Variants in CNTN5 observed in about 807,000 individuals in gnomAD.
CNTN5 encodes contactin 5.
A neutral mutation model predicts 129.1 loss-of-function variants in CNTN5; 77 were observed. The observed-to-expected ratio is 0.60, with a 90% CI of 0.50 to 0.72. The LOEUF is 0.72. CNTN5 is among the 30% of genes least tolerant of loss of function. CNTN5 has a pLI of 0.00. For missense variants in CNTN5, 1,478 were observed against 1,328.8 expected (o/e 1.11, Z -1.75); for synonymous variants, 509 against 465.6 (o/e 1.09, Z -1.20).
intron 2 of CNTN5, among the ~76,000 whole-genome samples, chr11:99,464,496 T>A (rs889694190): frequency 6.6e-6 from 1 of 152,136 alleles, no homozygotes; most frequent in Admixed American, 6.5e-5. Flanking sequence ...GTGATGAGTA[T>A]AAAAAAAGAA....
At chr11:99,148,062 G>A (rs550290931) in intron 1 of CNTN5, among the ~76,000 whole-genome samples, 3 of 151,942 alleles carry the variant, frequency 2.0e-5, no homozygotes, top group African/African-American at 7.2e-5. Flanking sequence ...ATTTTTGATT[G>A]GGTAATATAA....
chr11:99,823,512 TG>T (rs1245043889), intron 4 of CNTN5, among the ~76,000 whole-genome samples: 3 of 151,802 alleles, frequency 2.0e-5, no homozygotes, highest in Non-Finnish European at 4.4e-5. Flanking sequence ...AGAGAAAATC[TG>T]AAAAAAAAAG....
intron 13 of CNTN5, among the ~76,000 whole-genome samples, chr11:100,171,747 TC>T (rs1379019370): frequency 2.0e-5 from 3 of 151,978 alleles, no homozygotes; most frequent in African/African-American, 7.2e-5. Flanking sequence ...CTTTGTGAGA[TC>T]AATTTCTCAT....
intron 9 of CNTN5, among the ~76,000 whole-genome samples, chr11:100,037,121 T>G (rs1942062351): frequency 1.3e-5 from 2 of 151,606 alleles, no homozygotes; most frequent in South Asian, 4.2e-4. Context: ...TGGATAGCTT[T>G]TATTATTTTG....
chr11:100,104,859 A>T (rs894040005), intron 13 of CNTN5, among the ~76,000 whole-genome samples: 4 of 152,122 alleles, frequency 2.6e-5, no homozygotes, highest in Non-Finnish European at 5.9e-5. Flanking sequence ...CAGGCATATC[A>T]TATGTTCCTC....
At chr11:99,254,891 C>T (rs1413218536) in intron 1 of CNTN5, among the ~76,000 whole-genome samples, 2 of 151,768 alleles carry the variant, frequency 1.3e-5, no homozygotes, top group African/African-American at 2.4e-5. Context: ...GGTTGAGTTC[C>T]AATATTTCTG....
At chr11:99,802,645 G>T (rs2135485611) in intron 3 of CNTN5, among the ~76,000 whole-genome samples, 1 of 152,244 alleles carries the variant, frequency 6.6e-6, no homozygotes, top group South Asian at 2.1e-4. Context: ...GACTGTAGAG[G>T]CCTTGCTGTG....
At chr11:100,015,405 T>C (rs1319912472) in intron 9 of CNTN5, among the ~76,000 whole-genome samples, 3 of 152,184 alleles carry the variant, frequency 2.0e-5, no homozygotes. Flanking sequence ...GATAACTTGC[T>C]AATAACCATC....
At chr11:100,268,150 T>C (rs1398156925) in intron 17 of CNTN5, among the ~76,000 whole-genome samples, 6 of 152,126 alleles carry the variant, frequency 3.9e-5, no homozygotes, top group African/African-American at 1.4e-4. Flanking sequence ...TGGAACAGAT[T>C]GGGTAGGAAT....
chr11:99,329,140 G>A (rs1865905326), intron 2 of CNTN5, among the ~76,000 whole-genome samples: 1 of 152,120 alleles, frequency 6.6e-6, no homozygotes, highest in South Asian at 2.1e-4. Flanking sequence ...CCAAGTTGAA[G>A]TTCCTAAGGA....
intron 6 of CNTN5, among the ~76,000 whole-genome samples, chr11:99,899,281 A>C (rs1395420162): frequency 6.6e-6 from 1 of 152,028 alleles, no homozygotes; most frequent in Non-Finnish European, 1.5e-5. Context: ...AATTAGTTAA[A>C]GTAGCCATCC....
At chr11:99,593,339 T>C (rs1041130498) in intron 3 of CNTN5, among the ~76,000 whole-genome samples, 14 of 152,156 alleles carry the variant, frequency 9.2e-5, no homozygotes, top group African/African-American at 2.9e-4. Context: ...ACAAGGCACA[T>C]AAGACATAAA....
intron 1 of CNTN5, among the ~76,000 whole-genome samples, chr11:99,233,945 CAAATAAATAAAT>C (rs144108946): frequency 1.0e-4 from 15 of 150,666 alleles, no homozygotes; most frequent in Non-Finnish European, 1.5e-4. Context: ...GACTCCATCT[CAAATAAATAAAT>C]AAATAAATAA....
intron 8 of CNTN5, among the ~76,000 whole-genome samples, chr11:99,969,566 C>G (rs1345848496): frequency 6.6e-6 from 1 of 152,136 alleles, no homozygotes; most frequent in African/African-American, 2.4e-5. Context: ...CCATACAACT[C>G]ACAGAATTTT....
At position 100,102,114 on chromosome 11, in the gene CNTN5, C is replaced by T. The variant is rs887177218; in HGVS notation, c.1580+27820C>T. ...CCAGTAGTAGGATTGCTGAATTGAA[C>T]GGTAGTTCTACTTTTAGTTCTTTAA... is the stretch of plus-strand genomic sequence containing the variant. On this transcript the variant is annotated intron_variant, in intron 13 of 24. Coordinates refer to ENST00000524871, the MANE Select transcript of CNTN5 (RefSeq NM_014361.4). Among the ~76,000 whole-genome samples, 7 of 152,030 alleles carry T rather than the reference C, an allele frequency of 4.6e-5. No individual in the cohort carries two copies. The East Asian group carries it at 5.8e-4, about 13-fold the overall frequency.
intron 2 of CNTN5, among the ~76,000 whole-genome samples, chr11:99,329,077 T>C (rs1313835070): frequency 2.6e-5 from 4 of 152,134 alleles, no homozygotes; most frequent in African/African-American, 4.8e-5. Context: ...TATCGATGGA[T>C]TATTTTCATT....
chr11:99,368,015 T>C (rs1394451), intron 2 of CNTN5, among the ~76,000 whole-genome samples: 130,809 of 152,128 alleles, frequency 0.86, 56,265 homozygotes, highest in African/African-American at 0.89. Flanking sequence ...TATTCTCTGA[T>C]AGCAGCTTGC....
intron 2 of CNTN5, among the ~76,000 whole-genome samples, chr11:99,555,621 A>G (rs570477175): frequency 6.6e-6 from 1 of 152,094 alleles, no homozygotes; most frequent in South Asian, 2.1e-4. Flanking sequence ...CACAGTACAG[A>G]TAATCATAGG....
At chr11:99,790,261 A>G (rs1565535456) in intron 3 of CNTN5, among the ~76,000 whole-genome samples, 4 of 152,026 alleles carry the variant, frequency 2.6e-5, no homozygotes, top group African/African-American at 9.7e-5. Flanking sequence ...AGTTTGGTTT[A>G]CAGATTATTC....
Sources: gnomAD v4.1 joint callset for allele counts (sites outside exome capture counted in the v4.1 genomes callset) on GRCh38, gnomAD v4.1.1 for gene constraint, MANE v1.5 for transcripts, NCBI Gene and HGNC (gene_info 2026-07-23, HGNC 2026-07-21) for gene names.